Variants in SUGCT observed in about 807,000 individuals in gnomAD.
The protein encoded by SUGCT is succinyl-CoA:glutarate CoA-transferase.
SUGCT carries 41 observed loss-of-function variants against 55.0 expected under a neutral mutation model. That is an observed-to-expected ratio of 0.74 (90% confidence interval 0.58 to 0.97). The LOEUF (loss-of-function observed/expected upper bound fraction) is 0.97. Ranked by LOEUF, SUGCT falls within the 50% of genes least tolerant of loss-of-function variation. SUGCT has a pLI of 0.00. For synonymous variants in SUGCT, 187 were observed against 200.4 expected (o/e 0.93, Z 0.56); for missense variants, 568 against 547.8 (o/e 1.04, Z -0.37).
At chr7:40,491,051 C>T (rs1307244899) in intron 11 of SUGCT, among the ~76,000 whole-genome samples, 1 of 152,160 alleles carries the variant, frequency 6.6e-6, no homozygotes, top group African/African-American at 2.4e-5. Context: ...CACTGAGAGA[C>T]TCTTATTCTT....
intron 9 of SUGCT, among the ~76,000 whole-genome samples, chr7:40,406,420 T>C (rs1400221127): frequency 6.6e-6 from 1 of 152,006 alleles, no homozygotes; most frequent in Non-Finnish European, 1.5e-5. Flanking sequence ...CAAGGATGGG[T>C]TCATTTTGGG....
chr7:40,741,885 T>G (rs568531989), intron 12 of SUGCT, among the ~76,000 whole-genome samples: 8 of 152,142 alleles, frequency 5.3e-5, no homozygotes, highest in African/African-American at 1.9e-4. Context: ...CAGAACTAAA[T>G]ATTTGGAGTA....
intron 12 of SUGCT, among the ~76,000 whole-genome samples, chr7:40,646,272 A>G (rs1164925864): frequency 6.6e-6 from 1 of 152,306 alleles, no homozygotes; most frequent in Admixed American, 6.5e-5. Flanking sequence ...GGGACTCCTC[A>G]TAGCCTCCTT....
chr7:40,701,132 T>C (rs962642709), intron 12 of SUGCT, among the ~76,000 whole-genome samples: 1 of 152,200 alleles, frequency 6.6e-6, no homozygotes, highest in African/African-American at 2.4e-5. Flanking sequence ...TCCAGAGATT[T>C]TAAATGTGAA....
chr7:40,314,942 C>T (rs894265598), intron 8 of SUGCT, among the ~76,000 whole-genome samples: 8 of 152,130 alleles, frequency 5.3e-5, no homozygotes, highest in Non-Finnish European at 1.0e-4. Context: ...CTTGTAAGCA[C>T]GTTGAAGATT....
At chr7:40,737,513 A>G (rs917793513) in intron 12 of SUGCT, among the ~76,000 whole-genome samples, 10 of 152,334 alleles carry the variant, frequency 6.6e-5, no homozygotes, top group African/African-American at 2.4e-4. Flanking sequence ...TACTTAATTA[A>G]TAAACAAAAC....
chr7:40,242,467 G>A lies in SUGCT; in HGVS notation c.576+4741G>A, dbSNP rs74301950. Among the ~76,000 whole-genome samples the A allele has an allele frequency of 2.4e-3, 359 of 152,032 alleles. 6 individuals are homozygous for A. In the East Asian group the frequency reaches 0.059, roughly 25 times the overall value. ...GATTACAGGTGTGAGCCACCATGCCGAGCCTCGTATTGACACATTCTATAA... is the reference window on the plus strand; with the variant it reads ...GATTACAGGTGTGAGCCACCATGCCAAGCCTCGTATTGACACATTCTATAA... On this transcript the variant is annotated intron_variant, in intron 7 of 13. Coordinates refer to ENST00000335693, the MANE Select transcript of SUGCT (RefSeq NM_001193313.2).
intron 2 of SUGCT, 133 bp downstream of exon 2, chr7:40,181,131 A>AT: frequency 1.4e-6 from 1 of 709,358 alleles, no homozygotes. Context: ...GAAAAGAAAA[A>AT]TTGCTGTAAT....
chr7:40,908,356 C>T, the SUGCT span, among the ~76,000 whole-genome samples: 2 of 140,428 alleles, frequency 1.4e-5, no homozygotes, highest in African/African-American at 5.5e-5. Flanking sequence ...GCATTCCAAC[C>T]TGGGGCACAG....
chr7:40,977,894 T>C, the SUGCT span, among the ~76,000 whole-genome samples: 1 of 152,154 alleles, frequency 6.6e-6, no homozygotes, highest in Non-Finnish European at 1.5e-5. Context: ...CTGGCTGATG[T>C]ATTTCTGTGA....
At chr7:40,605,192 A>G (rs187787506) in intron 12 of SUGCT, among the ~76,000 whole-genome samples, 38 of 152,360 alleles carry the variant, frequency 2.5e-4, no homozygotes, top group African/African-American at 9.1e-4. Context: ...TTTTATGTCA[A>G]AGAAACAAAT....
chr7:40,739,340 C>A (rs774352969), intron 12 of SUGCT, among the ~76,000 whole-genome samples: 36 of 152,162 alleles, frequency 2.4e-4, no homozygotes, highest in Non-Finnish European at 5.1e-4. Flanking sequence ...TCAATGAAAT[C>A]ATATACTATG....
At chr7:40,760,236 A>G (rs1046689003) in intron 13 of SUGCT, among the ~76,000 whole-genome samples, 3 of 152,228 alleles carry the variant, frequency 2.0e-5, no homozygotes, top group African/African-American at 2.4e-5. Context: ...TCCTCAGAGC[A>G]GCATTAATTA....
At chr7:40,886,933 G>A in the SUGCT span, among the ~76,000 whole-genome samples, 1 of 152,216 alleles carries the variant, frequency 6.6e-6, no homozygotes, top group Non-Finnish European at 1.5e-5. Flanking sequence ...GGTCAAACAT[G>A]TAGCTTGAGA....
intron 1 of SUGCT, among the ~76,000 whole-genome samples, chr7:40,137,306 C>G (rs1301096644): frequency 2.0e-5 from 3 of 150,944 alleles, no homozygotes. Context: ...TTTTTTATTT[C>G]TTTATTTTTT....
At chr7:40,689,687 G>A (rs1784605964) in intron 12 of SUGCT, among the ~76,000 whole-genome samples, 1 of 148,470 alleles carries the variant, frequency 6.7e-6, no homozygotes, top group African/African-American at 2.5e-5. Context: ...AACAGACCAC[G>A]TCTGTTTGCT....
At chr7:40,982,206 A>G in the SUGCT span, among the ~76,000 whole-genome samples, 6 of 152,236 alleles carry the variant, frequency 3.9e-5, no homozygotes, top group Non-Finnish European at 5.9e-5. Context: ...TATTGCCAGT[A>G]GGTTGTACAC....
intron 12 of SUGCT, among the ~76,000 whole-genome samples, chr7:40,617,024 CA>C (rs1470107572): frequency 1.3e-5 from 2 of 151,976 alleles, no homozygotes; most frequent in Non-Finnish European, 2.9e-5. Flanking sequence ...TACTGTGCCA[CA>C]AGGCAAATAA....
chr7:40,934,598 C>T, the SUGCT span, among the ~76,000 whole-genome samples: 2 of 152,210 alleles, frequency 1.3e-5, no homozygotes, highest in African/African-American at 2.4e-5. Context: ...GGGCTCTACC[C>T]ATTTTGAGCT....
Sources: gnomAD v4.1 joint callset for allele counts (sites outside exome capture counted in the v4.1 genomes callset) on GRCh38, gnomAD v4.1.1 for gene constraint, MANE v1.5 for transcripts, NCBI Gene and HGNC (gene_info 2026-07-23, HGNC 2026-07-21) for gene names.